The following DAB2IP variants were observed in gnomAD, a reference collection of about 807,000 sequenced individuals.
The protein encoded by DAB2IP is DAB2 interacting protein.
In DAB2IP, 28 loss-of-function variants were observed where a neutral mutation model predicts 107.2. The observed-to-expected ratio is 0.26, with a 90% CI of 0.19 to 0.36. The LOEUF (loss-of-function observed/expected upper bound fraction) is 0.36. Among genes scored for constraint, DAB2IP ranks in the 10% least tolerant of loss-of-function variants. The pLI is 1.00. For synonymous variants in DAB2IP, 755 were observed against 706.4 expected (o/e 1.07, Z -1.09); for missense variants, 1,400 against 1,644.7 (o/e 0.85, Z 2.57).
At chr9:121,773,051 G>T (rs1834889908) in exon 12 of DAB2IP, 1 of 1,612,392 alleles carries the variant, frequency 6.2e-7, no homozygotes, top group Admixed American at 1.7e-5. Context: ...GCCTGCCGCT[G>T]TCACCCCGTG....
chr9:121,712,603 C>T (rs1047661410), intron 3 of DAB2IP, among the ~76,000 whole-genome samples: 7 of 152,132 alleles, frequency 4.6e-5, no homozygotes, highest in Non-Finnish European at 1.5e-5. Context: ...ATGGCCTTGT[C>T]TCCCTTTCAT....
chr9:121,670,478 T>C (rs971320778), intron 1 of DAB2IP, among the ~76,000 whole-genome samples: 3 of 152,252 alleles, frequency 2.0e-5, no homozygotes, highest in African/African-American at 7.2e-5. Flanking sequence ...AATTCCTTGC[T>C]AGGGGAATTC....
chr9:121,738,835 T>G (rs1316844722), intron 3 of DAB2IP, among the ~76,000 whole-genome samples: 1 of 152,234 alleles, frequency 6.6e-6, no homozygotes, highest in African/African-American at 2.4e-5. Context: ...TCTTATACTG[T>G]GTCAGACCCT....
chr9:121,774,709 A>G (rs927772638), intron 13 of DAB2IP, among the ~76,000 whole-genome samples: 5 of 152,184 alleles, frequency 3.3e-5, no homozygotes, highest in African/African-American at 7.2e-5. Flanking sequence ...AGCCCAGGCA[A>G]CTGAGGCAGT....
chr9:121,631,948 G>C (rs938692859), intron 1 of DAB2IP, among the ~76,000 whole-genome samples: 2 of 152,080 alleles, frequency 1.3e-5, no homozygotes, highest in African/African-American at 4.8e-5. Flanking sequence ...GTGGAGAGAC[G>C]ATGGGAGAGG....
chr9:121,681,985 C>A (rs1469856026), intron 2 of DAB2IP, among the ~76,000 whole-genome samples: 1 of 152,232 alleles, frequency 6.6e-6, no homozygotes, highest in African/African-American at 2.4e-5. Flanking sequence ...ACATCCAAAT[C>A]GGGTTTCCAT....
rs368824909 is a variant in DAB2IP, at chr9:121,692,845, C to G, written c.229-6480C>G. ...GAGGAGGCCAGAGAAGCCCGGCAGC[C>G]TGCTGAGGGTAGAGACCGGGGAACA... is the stretch of plus-strand genomic sequence containing the variant. On this transcript the variant is annotated intron_variant, in intron 2 of 15. Transcript: ENST00000408936. Among the ~76,000 whole-genome samples, 4 of 152,194 alleles carry G rather than the reference C, an allele frequency of 2.6e-5. No individual in the cohort carries two copies. The East Asian group carries it at 7.7e-4, about 29-fold the overall frequency.
chr9:121,720,422 A>C (rs184919699), intron 3 of DAB2IP, among the ~76,000 whole-genome samples: 1 of 152,192 alleles, frequency 6.6e-6, no homozygotes, highest in Non-Finnish European at 1.5e-5. Context: ...TAACTTCGGC[A>C]TGGCACTTTA....
Position 121,782,677 on chromosome 9 carries a change from C to A in DAB2IP, c.*179C>A. 7.0e-7 allele frequency: 1 copy of A among 1,432,646 alleles called. No individual in the cohort carries two copies. The highest frequency in any genetic ancestry group is 1.5e-5 in the South Asian group (1 of 67,336). The allele number at this position is 1,432,646 out of a possible 1,614,324, so 88.7% of individuals were successfully genotyped here. A position where few individuals can be genotyped will look rare whatever the true frequency, so the allele number is the denominator to read the frequency against. On this transcript the variant is annotated 3_prime_UTR_variant, in exon 16 of 16. Coordinates refer to ENST00000408936, the Ensembl canonical transcript of DAB2IP. This position sits in a 1 kb window ranked among gnomAD's most constrained non-coding sequence, Gnocchi z 6.1. ...CAGAGGGAGCCACCAGAGACTGAAG[C>A]AGCGTGAGGCGAGGTCACCAGCCGC...
chr9:121,751,828 C>T (rs1205625330), intron 3 of DAB2IP: 2 of 656,272 alleles, frequency 3.0e-6, no homozygotes, highest in Non-Finnish European at 3.8e-6. Context: ...TCCCATTCCC[C>T]TCTGCCCTCC....
intron 6 of DAB2IP, among the ~76,000 whole-genome samples, chr9:121,761,531 G>A (rs1030524033): frequency 2.6e-5 from 4 of 152,174 alleles, no homozygotes; most frequent in Admixed American, 2.6e-4. Flanking sequence ...GTTCCTAGAG[G>A]CCCTGGAAGG....
At chr9:121,605,782 A>G (rs1315160058) in intron 1 of DAB2IP, among the ~76,000 whole-genome samples, 2 of 152,138 alleles carry the variant, frequency 1.3e-5, no homozygotes, top group African/African-American at 4.8e-5. Flanking sequence ...CTGGGGTTGT[A>G]TGCATGAGCC....
chr9:121,672,777 C>T (rs558710314), intron 1 of DAB2IP, among the ~76,000 whole-genome samples: 1 of 152,274 alleles, frequency 6.6e-6, no homozygotes, highest in South Asian at 2.1e-4. Flanking sequence ...TCTCCCTTCC[C>T]GTGATCTAAC....
At chr9:121,630,377 T>C (rs981105327) in intron 1 of DAB2IP, among the ~76,000 whole-genome samples, 1 of 151,800 alleles carries the variant, frequency 6.6e-6, no homozygotes, top group Admixed American at 6.5e-5. Flanking sequence ...CACAAAAAAT[T>C]AGCCAGGCAT....
At chr9:121,768,106 G>A (rs900293878) in intron 9 of DAB2IP, among the ~76,000 whole-genome samples, 2 of 152,144 alleles carry the variant, frequency 1.3e-5, no homozygotes, top group African/African-American at 4.8e-5. Flanking sequence ...TGGGAGACCT[G>A]GGTTGAGCAG....
chr9:121,641,935 T>TTCTTTCTTTCTTTCTTTCTTTCTTTCTG (rs1554718106), intron 1 of DAB2IP, among the ~76,000 whole-genome samples: 21 of 113,698 alleles, frequency 1.8e-4, no homozygotes, highest in African/African-American at 4.7e-4. Flanking sequence ...CTTTCTTTCT[T>TTCTTTCTTTCTTTCTTTCTTTCTTTCTG]TCTCTCTTTC....
rs867741489 is a variant in DAB2IP, at chr9:121,641,964, C to T, written c.41-36714C>T. Among the ~76,000 whole-genome samples the T allele has an allele frequency of 5.0e-4, 46 of 91,418 alleles. 1 individual carries two copies. Among genetic ancestry groups the T allele is most frequent in the Middle Eastern group, 5.7e-3 (1 of 176 alleles). 60.0% of individuals were successfully genotyped at this position (91,418 alleles called of 152,430 possible). A position where few individuals can be genotyped will look rare whatever the true frequency, so the allele number is the denominator to read the frequency against. ...CTCTTTCTTTCCTTTCTTTCTTTCT[C>T]TCTCTCTCTTTCTTTCTTTCTTTCT... On this transcript the variant is annotated intron_variant, in intron 1 of 16. Transcript: ENST00000259371.
chr9:121,725,271 G>A (rs759671038), intron 3 of DAB2IP, among the ~76,000 whole-genome samples: 4 of 152,126 alleles, frequency 2.6e-5, no homozygotes, highest in East Asian at 1.9e-4. Flanking sequence ...TGTGATTCTC[G>A]ACACAGCCAT....
At chr9:121,687,134 C>A (rs1289663198) in intron 2 of DAB2IP, among the ~76,000 whole-genome samples, 1 of 152,142 alleles carries the variant, frequency 6.6e-6, no homozygotes, top group Non-Finnish European at 1.5e-5. Flanking sequence ...TCAGGGGCCA[C>A]AGGGAGCTGG....
Sources: gnomAD v4.1 joint callset for allele counts (sites outside exome capture counted in the v4.1 genomes callset) on GRCh38, gnomAD v4.1.1 for gene constraint, Gnocchi (gnomAD v3.1) non-coding constraint, MANE v1.5 for transcripts, NCBI Gene and HGNC (gene_info 2026-07-23, HGNC 2026-07-21) for gene names.